The following COG6 variants were observed in gnomAD, a reference collection of about 807,000 sequenced individuals.
COG6 encodes component of oligomeric golgi complex 6.
COG6 carries 74 observed loss-of-function variants against 88.8 expected under a neutral mutation model. The ratio of observed to expected loss-of-function variants is 0.83; its 90% CI spans 0.69 to 1.01. The LOEUF is 1.01. Among genes scored for constraint, COG6 ranks in the 50% least tolerant of loss-of-function variants. The pLI is 0.00. For missense variants in COG6, 800 were observed against 797.9 expected, an observed-to-expected ratio of 1.00 and a Z score of -0.03; for synonymous variants, 286 against 278.7, an observed-to-expected ratio of 1.03 and a Z score of -0.26.
At position 39,727,329 on chromosome 13, in the gene COG6, A is replaced by T; in HGVS notation, c.1747-140A>T. 3 of 695,292 alleles carry T rather than the reference A, an allele frequency of 4.3e-6. No homozygotes were observed. In the East Asian group the frequency reaches 8.1e-5, roughly 19 times the overall value. 43.1% of individuals were successfully genotyped at this position (695,292 alleles called of 1,614,324 possible). On this transcript the variant is annotated intron_variant, in intron 17 of 18. Transcript: ENST00000455146. ...TTTAGTTAGAATGTTTAGAAAATAC[A>T]CAATTTGAACACAACAATCTAGTTA...
intron 8 of COG6, among the ~76,000 whole-genome samples, chr13:39,683,312 G>A (rs1172762885): frequency 6.6e-6 from 1 of 152,312 alleles, no homozygotes; most frequent in African/African-American, 2.4e-5. Flanking sequence ...AGGGGAAAGA[G>A]ATGAGCATCA....
At chr13:39,741,086 A>G (rs1354657618) in intron 18 of COG6, among the ~76,000 whole-genome samples, 4 of 152,194 alleles carry the variant, frequency 2.6e-5, no homozygotes, top group African/African-American at 9.6e-5. Context: ...TAAGCAGTTC[A>G]TTTCTTATCT....
At chr13:39,778,972 T>C (rs529849763) in intron 18 of COG6, among the ~76,000 whole-genome samples, 2 of 152,338 alleles carry the variant, frequency 1.3e-5, no homozygotes, top group South Asian at 4.1e-4. Context: ...TTCCACCATA[T>C]GCTTTTTATT....
chr13:39,675,610 T>C (rs966126883), intron 4 of COG6, among the ~76,000 whole-genome samples: 2 of 152,120 alleles, frequency 1.3e-5, no homozygotes, highest in Non-Finnish European at 2.9e-5. Flanking sequence ...CATGATTGAT[T>C]TTTAGATCCA....
intron 18 of COG6, among the ~76,000 whole-genome samples, chr13:39,769,853 T>C (rs1049265460): frequency 6.6e-6 from 1 of 152,166 alleles, no homozygotes; most frequent in African/African-American, 2.4e-5. Flanking sequence ...GGTCCCATCT[T>C]TGAAGCAGAG....
intron 18 of COG6, among the ~76,000 whole-genome samples, chr13:39,739,722 A>G (rs1354037655): frequency 6.6e-6 from 1 of 152,174 alleles, no homozygotes; most frequent in African/African-American, 2.4e-5. Context: ...AAACCTTTTC[A>G]TTACAGTTCA....
chr13:39,733,836 A>G (rs956669305), intron 18 of COG6, among the ~76,000 whole-genome samples: 2 of 152,198 alleles, frequency 1.3e-5, no homozygotes, highest in Non-Finnish European at 2.9e-5. Flanking sequence ...TGGACTCTTC[A>G]GGTTTTGAAT....
At chr13:39,752,766 G>A, downstream of COG6, 4 of 725,456 alleles carry the variant, frequency 5.5e-6, no homozygotes, top group Non-Finnish European at 3.6e-6. Flanking sequence ...GGAAAAATGT[G>A]GTATATATGA....
chr13:39,689,586 CAATT>C (rs1418166358), intron 10 of COG6, among the ~76,000 whole-genome samples, 170 bp from the exon 11 acceptor site: 1 of 151,956 alleles, frequency 6.6e-6, no homozygotes, highest in Non-Finnish European at 1.5e-5. Context: ...TATGTTAACA[CAATT>C]AGTAATGTCC....
intron 4 of COG6, among the ~76,000 whole-genome samples, chr13:39,666,956 G>C (rs1875311720): frequency 6.6e-6 from 1 of 152,108 alleles, no homozygotes; most frequent in Non-Finnish European, 1.5e-5. Flanking sequence ...CCTTATCTTA[G>C]ACCTGTGGCT....
chr13:39,686,832 TG>T (rs1876672178), intron 8 of COG6, among the ~76,000 whole-genome samples: 1 of 152,048 alleles, frequency 6.6e-6, no homozygotes, highest in African/African-American at 2.4e-5. Context: ...CGGGCTCAAG[TG>T]ATCCCCCTAC....
intron 4 of COG6, among the ~76,000 whole-genome samples, chr13:39,676,802 T>G (rs185116589): frequency 2.0e-4 from 31 of 152,282 alleles, no homozygotes; most frequent in Admixed American, 5.2e-4. Context: ...TAGTTTGTGT[T>G]CCTAACTTGC....
chr13:39,773,195 G>A (rs1008846966), intron 18 of COG6, among the ~76,000 whole-genome samples: 1 of 152,230 alleles, frequency 6.6e-6, no homozygotes, highest in Non-Finnish European at 1.5e-5. Context: ...GGCAGCCAGA[G>A]GGAGGAGATG....
At chr13:39,698,101 G>A (rs1217197834) in intron 12 of COG6, among the ~76,000 whole-genome samples, 1 of 151,666 alleles carries the variant, frequency 6.6e-6, no homozygotes, top group Non-Finnish European at 1.5e-5. Context: ...ACCAGTTACT[G>A]GAACATAATG....
In COG6 at chr13:39,752,587, G is replaced by A. The variant is rs555767925; in HGVS notation, c.*1494G>A. Reference sequence around the variant, plus strand: ...CTTTGTTTTATAGGGAAAATTTATTGTGCTTTTTACCTGGTTTTTTCAAAT... The same window carrying A: ...CTTTGTTTTATAGGGAAAATTTATTATGCTTTTTACCTGGTTTTTTCAAAT... On this transcript the variant is annotated 3_prime_UTR_variant, in exon 19 of 19. Coordinates refer to ENST00000455146, the MANE Select transcript of COG6 (RefSeq NM_020751.3). 32 of 1,265,078 alleles carry A rather than the reference G, an allele frequency of 2.5e-5. No homozygotes were observed. In the African/African-American group the frequency reaches 4.8e-4, roughly 19 times the overall value. 78.4% of individuals were successfully genotyped at this position (1,265,078 alleles called of 1,614,324 possible). A position where few individuals can be genotyped will look rare whatever the true frequency, so the allele number is the denominator to read the frequency against.
intron 3 of COG6, 132 bp downstream of exon 3, chr13:39,661,013 T>C (rs1180818711): frequency 3.1e-6 from 2 of 653,588 alleles, no homozygotes; most frequent in African/African-American, 1.8e-5. Flanking sequence ...TCCTTATTTT[T>C]AAAAATTGTA....
exon 19 of COG6, chr13:39,791,152 AACAG>A (rs766892708): frequency 1.4e-4 from 22 of 151,922 alleles, no homozygotes; most frequent in African/African-American, 1.9e-4. Context: ...CATACATACA[AACAG>A]ACAGACACCC....
intron 7 of COG6, among the ~76,000 whole-genome samples, chr13:39,680,379 A>G (rs181785553): frequency 6.6e-6 from 1 of 152,348 alleles, no homozygotes; most frequent in Admixed American, 6.5e-5. Flanking sequence ...AGATTATTTT[A>G]AAGCAGATTA....
intron 18 of COG6, among the ~76,000 whole-genome samples, chr13:39,780,391 G>A (rs541550142): frequency 6.6e-6 from 1 of 152,314 alleles, no homozygotes; most frequent in African/African-American, 2.4e-5. Flanking sequence ...AGGCATGCAT[G>A]CCCTGGCAGC....
Sources: gnomAD v4.1 joint callset for allele counts (sites outside exome capture counted in the v4.1 genomes callset) on GRCh38, gnomAD v4.1.1 for gene constraint, MANE v1.5 for transcripts, NCBI Gene and HGNC (gene_info 2026-07-23, HGNC 2026-07-21) for gene names.